Variants in TOPAZ1 observed in about 807,000 individuals in gnomAD.
TOPAZ1 encodes testis and ovary specific TOPAZ 1, also known as protein TOPAZ1.
In TOPAZ1, 66 loss-of-function variants were observed where a neutral mutation model predicts 172.2. The observed-to-expected ratio is 0.38, with a 90% CI of 0.31 to 0.47. TOPAZ1 has a LOEUF of 0.47. Among genes scored for constraint, TOPAZ1 ranks in the 20% least tolerant of loss-of-function variants. TOPAZ1 has a pLI of 0.99. For synonymous variants in TOPAZ1, 681 were observed against 683.9 expected (o/e 1.00, Z 0.07); for missense variants, 1,822 against 1,972.4 (o/e 0.92, Z 1.44).
intron 15 of TOPAZ1, among the ~76,000 whole-genome samples, chr3:44,308,173 G>T (rs964059612): frequency 6.6e-6 from 1 of 152,042 alleles, no homozygotes; most frequent in African/African-American, 2.4e-5. Flanking sequence ...CAGGAGAATT[G>T]CTTGAACCCG....
chr3:44,289,378 CTTTTAAAATAAAA>C (rs1700111174), intron 11 of TOPAZ1, among the ~76,000 whole-genome samples: 1 of 152,104 alleles, frequency 6.6e-6, no homozygotes, highest in Non-Finnish European at 1.5e-5. Context: ...CTGTTTTCCT[CTTTTAAAATAAAA>C]TTGAGCATGC....
chr3:44,268,366 C>CTTTTTTTTTTT (rs34027226), intron 6 of TOPAZ1, among the ~76,000 whole-genome samples: 1 of 67,472 alleles, frequency 1.5e-5, no homozygotes, highest in African/African-American at 5.4e-5. Context: ...GGTGCCTATT[C>CTTTTTTTTTTT]TTTTTTTTTT....
chr3:44,249,051 A>C (rs1699598623), intron 2 of TOPAZ1, among the ~76,000 whole-genome samples: 1 of 152,210 alleles, frequency 6.6e-6, no homozygotes, highest in African/African-American at 2.4e-5. Context: ...AAATTGGTAA[A>C]ACGTTTGAAA....
chr3:44,246,819 G>A (rs1176319278), intron 2 of TOPAZ1, among the ~76,000 whole-genome samples: 2 of 152,176 alleles, frequency 1.3e-5, no homozygotes, highest in Admixed American at 1.3e-4. Context: ...TTGCCTCAGG[G>A]TTGTGAGGAT....
intron 16 of TOPAZ1, among the ~76,000 whole-genome samples, chr3:44,315,533 AT>A (rs369669969): frequency 1.9e-3 from 247 of 128,884 alleles, no homozygotes; most frequent in African/African-American, 3.6e-3. Flanking sequence ...ACGTCTGGCT[AT>A]TTTTTTTTTT....
In TOPAZ1 at chr3:44,244,697, A is replaced by G; in HGVS notation, c.2191A>G (p.Ser731Gly). The G allele has an allele frequency of 6.4e-7, 1 of 1,551,434 alleles. No individual in the cohort carries two copies. The highest frequency in any genetic ancestry group is 2.4e-5 in the East Asian group (1 of 40,906). The change falls in exon 2 of 20, where the codon AGT (serine) becomes GGT (glycine). Residue 731 changes from serine (S) to glycine (G), a missense_variant. By Grantham distance (56) the Ser-to-Gly change is moderately conservative. Transcript: ENST00000309765. ...LSGADVRQNR[S>G]KENVSMMMLG... The stretch of plus-strand genomic sequence containing the variant: ...TGGAGCAGACGTAAGACAGAACAGG[A>G]GTAAAGAAAATGTCTCCATGATGAT...
At position 44,243,621 on chromosome 3, in the gene TOPAZ1, C is replaced by T; in HGVS notation, c.1115C>T (p.Ala372Val). 7 of 1,550,086 alleles carry T rather than the reference C, an allele frequency of 4.5e-6. No individual in the cohort carries two copies. The highest frequency in any genetic ancestry group is 5.2e-6 in the Non-Finnish European group (6 of 1,146,918). ...ENQMIADGKE[A>V]ETKSPLNVLR... Reference sequence around the variant, plus strand: ...CAAATGATTGCTGATGGTAAAGAAGCAGAGACTAAAAGTCCTTTAAATGTT... The same window carrying T: ...CAAATGATTGCTGATGGTAAAGAAGTAGAGACTAAAAGTCCTTTAAATGTT... The change falls in exon 2 of 20, where the codon GCA becomes GTA. Residue 372 changes from alanine (A) to valine (V), a missense_variant. Physicochemically the swap from Ala to Val is moderately conservative, Grantham distance 64. This residue lies in a region of TOPAZ1 where 1,489 missense variants were observed against 1,490.8 expected (regional missense o/e 1.00). Transcript: ENST00000309765.
At chr3:44,253,961 G>C (rs1216069711) in intron 2 of TOPAZ1, among the ~76,000 whole-genome samples, 1 of 152,068 alleles carries the variant, frequency 6.6e-6, no homozygotes, top group African/African-American at 2.4e-5. Flanking sequence ...TTAAATTTTT[G>C]TCTAAGTGAT....
At chr3:44,295,157 T>G (rs908020448) in intron 12 of TOPAZ1, among the ~76,000 whole-genome samples, 2 of 152,220 alleles carry the variant, frequency 1.3e-5, no homozygotes, top group Non-Finnish European at 2.9e-5. Flanking sequence ...TATTTTTTAG[T>G]TGTTGCTCTA....
rs1293339613 is a variant in TOPAZ1, at chr3:44,268,363, A to ATTTTTTTTTTTTTTTTTTTT, written c.3161-851_3161-850insTTTTTTTTTTTTTTTTTTTT. 3.3e-5 allele frequency among the ~76,000 whole-genome samples: 3 copies of ATTTTTTTTTTTTTTTTTTTT among 91,758 alleles called. 1 individual carries two copies. The highest frequency in any genetic ancestry group is 4.4e-5 in the Non-Finnish European group (2 of 45,472). 60.2% of individuals were successfully genotyped at this position (91,758 alleles called of 152,430 possible). A position where few individuals can be genotyped will look rare whatever the true frequency, so the allele number is the denominator to read the frequency against. Reference sequence around the variant, plus strand: ...AAAGAGTGTAAGCTCTGTGGTGCCTATTCTTTTTTTTTTTTTTTTTTTTTT... The same window carrying ATTTTTTTTTTTTTTTTTTTT: ...AAAGAGTGTAAGCTCTGTGGTGCCTATTTTTTTTTTTTTTTTTTTTTTCTTTTTTTTTTTTTTTTTTTTTT... On this transcript the variant is annotated intron_variant, in intron 6 of 19. Coordinates refer to ENST00000309765, the MANE Select transcript of TOPAZ1 (RefSeq NM_001145030.2).
Position 44,305,329 on chromosome 3 carries a change from GT to G in TOPAZ1, c.4039+9del. 6.5e-7 allele frequency: 1 copy of G among 1,531,102 alleles called. No individual in the cohort carries two copies. Among genetic ancestry groups the G allele is most frequent in the Non-Finnish European group, 8.8e-7 (1 of 1,140,702 alleles). The allele number at this position is 1,531,102 out of a possible 1,614,324, so 94.8% of individuals were successfully genotyped here. A position where few individuals can be genotyped will look rare whatever the true frequency, so the allele number is the denominator to read the frequency against. Reference sequence around the variant, plus strand: ...GTGAATTTGCTGAAACAGGTAAAATGTAACTATTGGCCTGAATATTGTGTAT... The same window carrying G: ...GTGAATTTGCTGAAACAGGTAAAATGAACTATTGGCCTGAATATTGTGTAT... On this transcript the variant is annotated intron_variant, in intron 14 of 19. Coordinates refer to ENST00000309765, the MANE Select transcript of TOPAZ1 (RefSeq NM_001145030.2).
chr3:44,321,227 G>T, intron 17 of TOPAZ1, 36 bp downstream of exon 17: 1 of 1,446,546 alleles, frequency 6.9e-7, no homozygotes, highest in East Asian at 2.6e-5. Flanking sequence ...ATTATCTCTT[G>T]CCCATCTGGT....
intron 5 of TOPAZ1, among the ~76,000 whole-genome samples, chr3:44,263,996 T>TA (rs1401912437): frequency 6.6e-6 from 1 of 152,340 alleles, no homozygotes; most frequent in East Asian, 1.9e-4. Context: ...CAAATGCCTT[T>TA]ATAGGCTTAT....
rs989779158 is a variant in TOPAZ1, at chr3:44,242,032, C to T, written c.-22C>T. Reference sequence around the variant, plus strand: ...CCTGCGAGCTGGTGCAGAGGGGCCCCAGCGGGCCGGCCCCGGGGCACATGC... The same window carrying T: ...CCTGCGAGCTGGTGCAGAGGGGCCCTAGCGGGCCGGCCCCGGGGCACATGC... On this transcript the variant is annotated 5_prime_UTR_variant, in exon 1 of 20. Transcript: ENST00000309765. 3.9e-6 allele frequency: 6 copies of T among 1,536,820 alleles called. No individual in the cohort carries two copies. Among genetic ancestry groups the T allele is most frequent in the African/African-American group, 1.4e-5 (1 of 72,678 alleles).
intron 2 of TOPAZ1, among the ~76,000 whole-genome samples, chr3:44,254,156 G>T (rs1194187951): frequency 6.6e-6 from 1 of 152,102 alleles, no homozygotes; most frequent in Non-Finnish European, 1.5e-5. Context: ...AAGTAGTTTT[G>T]CCACAGTTTA....
chr3:44,251,472 A>G (rs1267200759), intron 2 of TOPAZ1, among the ~76,000 whole-genome samples: 5 of 152,192 alleles, frequency 3.3e-5, no homozygotes, highest in African/African-American at 1.2e-4. Context: ...GATAGTAATT[A>G]TTCTAAAGCA....
At chr3:44,257,470 GT>G (rs1699727674) in intron 4 of TOPAZ1, among the ~76,000 whole-genome samples, 1 of 1,840 alleles carries the variant, frequency 5.4e-4, no homozygotes, top group African/African-American at 2.4e-3. Flanking sequence ...TATATATATA[GT>G]GTGTGTGTGT....
intron 5 of TOPAZ1, among the ~76,000 whole-genome samples, chr3:44,263,094 A>G (rs1222602214): frequency 1.3e-5 from 2 of 152,198 alleles, no homozygotes; most frequent in Non-Finnish European, 2.9e-5. Context: ...TCTCTGAATC[A>G]AACTTTGGGG....
chr3:44,258,900 G>A (rs1213362235), intron 4 of TOPAZ1, among the ~76,000 whole-genome samples: 1 of 152,178 alleles, frequency 6.6e-6, no homozygotes, highest in Non-Finnish European at 1.5e-5. Flanking sequence ...TCATCCTCCA[G>A]ATTACTCTCC....
Sources: gnomAD v4.1 joint callset for allele counts (sites outside exome capture counted in the v4.1 genomes callset) on GRCh38, gnomAD v4.1.1 for gene constraint, gnomAD v4.1.1 regional missense constraint, MANE v1.5 for transcripts, NCBI Gene and HGNC (gene_info 2026-07-23, HGNC 2026-07-21) for gene names.